ZFHX3: variants seen among roughly 807,000 people sequenced by gnomAD.
ZFHX3 encodes zinc finger homeobox 3, also known as zinc finger homeobox protein 3.
Under a neutral mutation model 279.1 loss-of-function variants are expected in ZFHX3, and 42 were observed. The ratio of observed to expected loss-of-function variants is 0.15; its 90% CI spans 0.12 to 0.19. The LOEUF (loss-of-function observed/expected upper bound fraction) is 0.19. Among genes scored for constraint, ZFHX3 ranks in the 10% least tolerant of loss-of-function variants. ZFHX3 has a pLI of 1.00. For missense variants in ZFHX3, 4,981 were observed against 4,754.0 expected (o/e 1.05, Z -1.40); for synonymous variants, 2,293 against 1,957.8 (o/e 1.17, Z -4.52).
chr16:72,966,531 G>A (rs1056713118), intron 1 of ZFHX3, among the ~76,000 whole-genome samples: 3 of 152,164 alleles, frequency 2.0e-5, no homozygotes, highest in East Asian at 1.9e-4. Context: ...TGTACCTGTT[G>A]GAGCTCAGCA....
At position 72,785,496 on chromosome 16, in the gene ZFHX3, T is replaced by C. The variant is rs984157008; in HGVS notation, c.*1668A>G. ...AAGCACATAACAACCTGGGAATCTT[T>C]TGTTTTTCTCTTTCTTTTATTAAAC... On this transcript the variant is annotated 3_prime_UTR_variant, in exon 10 of 10. Transcript: ENST00000268489. 2 of 152,682 alleles carry C rather than the reference T, an allele frequency of 1.3e-5. No homozygotes were observed. Among genetic ancestry groups the C allele is most frequent in the Non-Finnish European group, 1.5e-5 (1 of 68,048 alleles). 9.5% of individuals were successfully genotyped at this position (152,682 alleles called of 1,614,324 possible).
chr16:73,061,737 A>G (rs1311202103), upstream of ZFHX3: 1 of 152,206 alleles, frequency 6.6e-6, no homozygotes, highest in African/African-American at 2.4e-5. Context: ...AAGATGTGGT[A>G]GAATTAAATT....
chr16:72,941,023 A>G lies in ZFHX3; in HGVS notation c.3216+9446T>C, dbSNP rs555725755. 4.6e-5 allele frequency among the ~76,000 whole-genome samples: 7 copies of G among 152,362 alleles called. No individual in the cohort carries two copies. The East Asian group carries it at 1.4e-3, about 29-fold the overall frequency. On this transcript the variant is annotated intron_variant, in intron 3 of 9. Transcript: ENST00000268489. ...CGTGCTGTGAATTTTCATGGTCTAC[A>G]TATAAGTAACCAGTGCAGGAGGAGA...
intron 8 of ZFHX3, among the ~76,000 whole-genome samples, chr16:73,089,477 C>T (rs1374146035): frequency 6.6e-6 from 1 of 152,228 alleles, no homozygotes; most frequent in Non-Finnish European, 1.5e-5. Flanking sequence ...AAAAATCAAA[C>T]AGCACAGAGC....
chr16:72,875,862 T>A lies in ZFHX3; in HGVS notation c.3448+13869A>T, dbSNP rs1052095868. Among the ~76,000 whole-genome samples, 100 of 152,160 alleles carry A rather than the reference T, an allele frequency of 6.6e-4. 2 individuals carry two copies. Among genetic ancestry groups the A allele is most frequent in the Admixed American group, 4.6e-4 (7 of 15,284 alleles). ...GTCCCAGGGCTGGAATTCCAAACAGTCACGCCTTTGCAGAGTTTTACAGCC... is the reference window on the plus strand; with the variant it reads ...GTCCCAGGGCTGGAATTCCAAACAGACACGCCTTTGCAGAGTTTTACAGCC... On this transcript the variant is annotated intron_variant, in intron 4 of 9. Transcript: ENST00000268489.
At chr16:72,858,428 G>A (rs936256402) in intron 4 of ZFHX3, among the ~76,000 whole-genome samples, 1 of 152,136 alleles carries the variant, frequency 6.6e-6, no homozygotes, top group Non-Finnish European at 1.5e-5. Flanking sequence ...CAAAAAGAGG[G>A]GGGAAAATGT....
intron 2 of ZFHX3, among the ~76,000 whole-genome samples, chr16:73,530,109 T>C (rs1046425028): frequency 6.6e-6 from 1 of 152,158 alleles, no homozygotes; most frequent in African/African-American, 2.4e-5. Flanking sequence ...TCCACGTGGC[T>C]GGGGAGGCCT....
At chr16:73,465,125 T>C (rs563863276) in intron 2 of ZFHX3, among the ~76,000 whole-genome samples, 33 of 152,316 alleles carry the variant, frequency 2.2e-4, no homozygotes, top group East Asian at 5.8e-4. Flanking sequence ...ATGGTCTCGG[T>C]ACTTGAGAGA....
chr16:73,358,424 A>G (rs568218200), intron 3 of ZFHX3, among the ~76,000 whole-genome samples: 1 of 152,340 alleles, frequency 6.6e-6, no homozygotes, highest in South Asian at 2.1e-4. Context: ...CTGGCCAAGA[A>G]CCCATGAGAA....
rs921321222 is a variant in ZFHX3, at chr16:73,035,857, T to C, written c.-50+11895A>G. On this transcript the variant is annotated intron_variant, in intron 1 of 9. Coordinates refer to ENST00000268489, the MANE Select transcript of ZFHX3 (RefSeq NM_006885.4). ...AGGAGGAAGGCACAGTGAGCTGAGATTGTGCCACTGGATTCCAGCCTGGGA... is the reference window on the plus strand; with the variant it reads ...AGGAGGAAGGCACAGTGAGCTGAGACTGTGCCACTGGATTCCAGCCTGGGA... 3.3e-5 allele frequency among the ~76,000 whole-genome samples: 5 copies of C among 152,300 alleles called. No individual in the cohort carries two copies. The East Asian group carries it at 9.7e-4, about 29-fold the overall frequency.
chr16:73,509,994 C>T (rs1461902348), intron 2 of ZFHX3, among the ~76,000 whole-genome samples: 1 of 152,180 alleles, frequency 6.6e-6, no homozygotes, highest in East Asian at 1.9e-4. Context: ...TCACGCCCGG[C>T]CTTTGCCTGT....
chr16:73,060,543 C>G (rs1219251571), upstream of ZFHX3: 1 of 133,942 alleles, frequency 7.5e-6, no homozygotes, highest in African/African-American at 2.7e-5. Context: ...TGTCTCTTCC[C>G]CCCCCTTTCA....
intron 2 of ZFHX3, among the ~76,000 whole-genome samples, chr16:72,956,000 T>C (rs745684092): frequency 2.6e-5 from 4 of 152,208 alleles, no homozygotes; most frequent in Non-Finnish European, 4.4e-5. Flanking sequence ...AGACGACCAG[T>C]GCTTGTGCAT....
intron 3 of ZFHX3, among the ~76,000 whole-genome samples, chr16:73,326,848 A>G (rs1484819758): frequency 6.6e-6 from 1 of 152,232 alleles, no homozygotes; most frequent in African/African-American, 2.4e-5. Context: ...TTATTTAAAT[A>G]TTGAAACTCC....
At chr16:73,435,356 C>T (rs1176032725) in intron 3 of ZFHX3, among the ~76,000 whole-genome samples, 1 of 152,072 alleles carries the variant, frequency 6.6e-6, no homozygotes, top group Non-Finnish European at 1.5e-5. Flanking sequence ...CTACATGCGC[C>T]CACTACCAGG....
intron 2 of ZFHX3, among the ~76,000 whole-genome samples, chr16:73,562,457 G>A (rs981889144): frequency 5.9e-5 from 9 of 152,014 alleles, no homozygotes; most frequent in East Asian, 3.9e-4. Flanking sequence ...TTAGCTGGGC[G>A]TGGTAGCGTG....
intron 5 of ZFHX3, among the ~76,000 whole-genome samples, chr16:73,152,219 T>C (rs1966960185): frequency 6.6e-6 from 1 of 152,210 alleles, no homozygotes; most frequent in African/African-American, 2.4e-5. Flanking sequence ...AAAAATATAA[T>C]ATACAGCCTG....
Position 72,794,723 on chromosome 16 carries a change from T to C in ZFHX3, c.7959A>G (p.Leu2653=). 6.2e-7 allele frequency: 1 copy of C among 1,614,246 alleles called. No homozygotes were observed. The highest frequency in any genetic ancestry group is 1.1e-5 in the South Asian group (1 of 91,088). The stretch of plus-strand genomic sequence containing the variant: ...GTAGATACTTCTGGTAGAGAATTTC[T>C]AGTTGTTCCGGTGTGATGGTTGTTC... The part of the protein sequence containing the change: ...RLRTTITPEQ[L]EILYQKYLLD... The change falls in exon 9 of 10, where the codon CTA becomes CTG. Residue 2653 remains leucine (L), a synonymous_variant. Transcript: ENST00000268489. This position sits in a 1 kb window ranked among gnomAD's most constrained non-coding sequence, Gnocchi z 4.2.
intron 2 of ZFHX3, chr16:73,483,557 G>T: frequency 2.8e-6 from 1 of 351,320 alleles, no homozygotes; most frequent in South Asian, 2.1e-5. Context: ...CTGCAAATCC[G>T]TCAGCTGCCT....
Sources: allele counts gnomAD v4.1 joint callset (sites outside exome capture counted in the v4.1 genomes callset), GRCh38; gene constraint gnomAD v4.1.1; non-coding constraint Gnocchi (gnomAD v3.1); transcripts MANE v1.5; gene names NCBI Gene and HGNC (gene_info 2026-07-23, HGNC 2026-07-21).